LAMA4: variants seen among roughly 807,000 people sequenced by gnomAD.
The protein encoded by LAMA4 is laminin subunit alpha-4.
Under a neutral mutation model 207.1 loss-of-function variants are expected in LAMA4, and 127 were observed. The ratio of observed to expected loss-of-function variants is 0.61; its 90% CI spans 0.53 to 0.71. The LOEUF (loss-of-function observed/expected upper bound fraction) is 0.71, where lower values mean the gene tolerates loss of function less well. LAMA4 is among the 30% of genes least tolerant of loss of function. The pLI, the probability that LAMA4 is intolerant of heterozygous loss-of-function variation, is 0.00. For missense variants in LAMA4, 2,093 were observed against 2,246.5 expected, an observed-to-expected ratio of 0.93 and a Z score of 1.38; for synonymous variants, 761 against 816.0, an observed-to-expected ratio of 0.93 and a Z score of 1.15.
chr6:112,139,741 C>G lies in LAMA4; in HGVS notation c.3110+11G>C. On this transcript the variant is annotated intron_variant, in intron 23 of 38. Transcript: ENST00000230538. Reference sequence around the variant, plus strand: ...ATATCCAAGTCTTTAGTACTCTTAACTGTCTCTTACCGGGCACATGGCACT... The same window carrying G: ...ATATCCAAGTCTTTAGTACTCTTAAGTGTCTCTTACCGGGCACATGGCACT... 6.2e-7 allele frequency: 1 copy of G among 1,613,582 alleles called. No homozygotes were observed. Among genetic ancestry groups the G allele is most frequent in the Non-Finnish European group, 8.5e-7 (1 of 1,179,518 alleles).
intron 2 of LAMA4, among the ~76,000 whole-genome samples, chr6:112,216,950 T>C (rs1554358978): frequency 1.3e-5 from 2 of 152,246 alleles, no homozygotes; most frequent in Admixed American, 6.5e-5. Flanking sequence ...GAGTCTTTCA[T>C]GAACTTCAGT....
intron 7 of LAMA4, 29 bp downstream of exon 7, chr6:112,189,081 G>A (rs782404981): frequency 6.8e-7 from 1 of 1,463,354 alleles, no homozygotes; most frequent in Non-Finnish European, 9.6e-7. Context: ...AGAAAGTGGG[G>A]TTAGTCAATC....
intron 6 of LAMA4, 108 bp downstream of exon 6, chr6:112,191,528 C>T: frequency 1.2e-6 from 1 of 805,006 alleles, no homozygotes; most frequent in Non-Finnish European, 2.1e-6. Context: ...GGGAAAGTGA[C>T]AAGGGGGCAC....
chr6:112,134,933 T>TTC lies in LAMA4; in HGVS notation c.3415-326_3415-325dup, dbSNP rs1554331047. 2.1e-3 allele frequency among the ~76,000 whole-genome samples: 317 copies of TTC among 151,930 alleles called. 1 individual carries two copies. Among genetic ancestry groups the TTC allele is most frequent in the Non-Finnish European group, 3.6e-3 (248 of 67,978 alleles). ...AAAGAACTATAAACAGGTGCCACCATTCTCTTTTTTTTTAAAAAAACAACT... is the reference window on the plus strand; with the variant it reads ...AAAGAACTATAAACAGGTGCCACCATTCTCTCTTTTTTTTTAAAAAAACAACT... On this transcript the variant is annotated intron_variant, in intron 25 of 38. Transcript: ENST00000230538.
intron 2 of LAMA4, among the ~76,000 whole-genome samples, chr6:112,226,620 G>C (rs1029300085): frequency 6.6e-6 from 1 of 152,188 alleles, no homozygotes; most frequent in Admixed American, 6.5e-5. Flanking sequence ...AACAGGGATA[G>C]TGTCTTACTC....
chr6:112,247,033 G>A (rs1786998747), intron 2 of LAMA4, among the ~76,000 whole-genome samples: 1 of 152,144 alleles, frequency 6.6e-6, no homozygotes, highest in South Asian at 2.1e-4. Flanking sequence ...TAAGTAAAGA[G>A]TTTGATAACA....
intron 2 of LAMA4, among the ~76,000 whole-genome samples, chr6:112,226,891 T>C (rs1785243956): frequency 6.6e-6 from 1 of 152,126 alleles, no homozygotes; most frequent in Admixed American, 6.5e-5. Flanking sequence ...TTTTAAAACA[T>C]GCAAAATAAT....
At chr6:112,252,168 A>T (rs1055448852) in intron 2 of LAMA4, among the ~76,000 whole-genome samples, 9 of 152,232 alleles carry the variant, frequency 5.9e-5, no homozygotes. Flanking sequence ...CAATAAAAGT[A>T]TGAGGTATGA....
At chr6:112,253,728 C>G (rs1441116083) in intron 2 of LAMA4, 1 of 1,611,664 alleles carries the variant, frequency 6.2e-7, no homozygotes, top group Admixed American at 1.7e-5. Context: ...TGCACTCTCA[C>G]CCCTTTGAGC....
At chr6:112,170,757 A>T (rs1311714557) in intron 12 of LAMA4, among the ~76,000 whole-genome samples, 9 of 152,220 alleles carry the variant, frequency 5.9e-5, no homozygotes, top group African/African-American at 2.2e-4. Flanking sequence ...GGGAAGACAG[A>T]TTCATTAGCA....
chr6:112,177,456 A>G (rs994173133), intron 10 of LAMA4, among the ~76,000 whole-genome samples: 7 of 152,236 alleles, frequency 4.6e-5, no homozygotes, highest in Non-Finnish European at 1.0e-4. Context: ...TCTTTATCCT[A>G]TAACAGATGA....
chr6:112,163,796 T>C (rs1338450605), intron 13 of LAMA4, among the ~76,000 whole-genome samples: 1 of 152,056 alleles, frequency 6.6e-6, no homozygotes. Context: ...ATTTAAAAGA[T>C]AGGAGATAGT....
chr6:112,132,737 A>G lies in LAMA4; in HGVS notation c.3834+16T>C, dbSNP rs2114655558. On this transcript the variant is annotated intron_variant, in intron 28 of 38. Transcript: ENST00000230538. Reference sequence around the variant, plus strand: ...TTATCACAAAGAAGTTTCCTCAGAGAAAAACAAACACTTACCCCTGAAGCA... The same window carrying G: ...TTATCACAAAGAAGTTTCCTCAGAGGAAAACAAACACTTACCCCTGAAGCA... 6.2e-7 allele frequency: 1 copy of G among 1,611,190 alleles called. No homozygotes were observed. Among genetic ancestry groups the G allele is most frequent in the East Asian group, 2.2e-5 (1 of 44,790 alleles).
At chr6:112,208,325 T>G (rs1784182068) in intron 3 of LAMA4, among the ~76,000 whole-genome samples, 1 of 152,176 alleles carries the variant, frequency 6.6e-6, no homozygotes, top group South Asian at 2.1e-4. Context: ...GAGGTCCTTA[T>G]TTTGGCCTTT....
At chr6:112,180,336 A>G (rs1401036216) in intron 9 of LAMA4, among the ~76,000 whole-genome samples, 1 of 152,202 alleles carries the variant, frequency 6.6e-6, no homozygotes, top group Admixed American at 6.5e-5. Flanking sequence ...CTATTGATAT[A>G]CTGTATATAT....
Position 112,139,760 on chromosome 6 carries a change from TG to T in LAMA4, c.3101del (p.Pro1034HisfsTer27). 6.2e-7 allele frequency: 1 copy of T among 1,614,010 alleles called. No homozygotes were observed. The highest frequency in any genetic ancestry group is 1.7e-5 in the Admixed American group (1 of 60,018). On this transcript the variant is annotated frameshift_variant, in exon 23 of 39. Transcript: ENST00000230538. LOFTEE classifies it high-confidence loss of function. The part of the protein sequence containing the change: ...IYNMDPSTSV[P>X]CARDKLAFTQ... ...TCTTAACTGTCTCTTACCGGGCACA[TG>T]GCACTGATGTGGAGGGGTCCATATT...
At chr6:112,208,149 G>T (rs911105465) in intron 3 of LAMA4, among the ~76,000 whole-genome samples, 1 of 151,514 alleles carries the variant, frequency 6.6e-6, no homozygotes, top group African/African-American at 2.4e-5. Flanking sequence ...GTTGAATTGG[G>T]GTTGCAGTGA....
At chr6:112,206,460 T>C (rs1784062601) in intron 4 of LAMA4, among the ~76,000 whole-genome samples, 1 of 152,164 alleles carries the variant, frequency 6.6e-6, no homozygotes, top group African/African-American at 2.4e-5. Flanking sequence ...TTACACATAT[T>C]CCATTATTTC....
chr6:112,253,102 T>C lies in LAMA4; in HGVS notation c.195+854A>G, dbSNP rs531676794. On this transcript the variant is annotated intron_variant, in intron 2 of 38. Transcript: ENST00000230538. Reference sequence around the variant, plus strand: ...TGTACAGTTGCTGTAACCATAGCTATAGAGTGTGGTGTTTGTTTTGCTAGG... The same window carrying C: ...TGTACAGTTGCTGTAACCATAGCTACAGAGTGTGGTGTTTGTTTTGCTAGG... Among the ~76,000 whole-genome samples, 3 of 152,346 alleles carry C rather than the reference T, an allele frequency of 2.0e-5. No individual in the cohort carries two copies. In the East Asian group the frequency reaches 5.8e-4, roughly 29 times the overall value.
Sources: gnomAD v4.1 joint callset for allele counts (sites outside exome capture counted in the v4.1 genomes callset) on GRCh38, gnomAD v4.1.1 for gene constraint, MANE v1.5 for transcripts, NCBI Gene and HGNC (gene_info 2026-07-23, HGNC 2026-07-21) for gene names.